Variants in SRBD1 observed in about 807,000 individuals in gnomAD.
SRBD1 encodes S1 RNA binding domain 1.
A neutral mutation model predicts 115.3 loss-of-function variants in SRBD1; 88 were observed. That is an observed-to-expected ratio of 0.76 (90% CI 0.64 to 0.91). The LOEUF (loss-of-function observed/expected upper bound fraction) is 0.91. SRBD1 is among the 40% of genes least tolerant of loss of function. The pLI is 0.00. For synonymous variants in SRBD1, 509 were observed against 407.7 expected (o/e 1.25, Z -2.99); for missense variants, 1,385 against 1,177.4 (o/e 1.18, Z -2.58).
chr2:45,539,050 A>T (rs1671850787), intron 14 of SRBD1, among the ~76,000 whole-genome samples: 1 of 152,164 alleles, frequency 6.6e-6, no homozygotes, highest in Non-Finnish European at 1.5e-5. Flanking sequence ...GATTGAAAAG[A>T]TCATTATCTA....
intron 16 of SRBD1, among the ~76,000 whole-genome samples, chr2:45,453,121 T>G (rs1669045019): frequency 6.6e-6 from 1 of 151,914 alleles, no homozygotes; most frequent in Admixed American, 6.6e-5. Flanking sequence ...TGACCTCTGA[T>G]GAGATGCTTG....
intron 15 of SRBD1, among the ~76,000 whole-genome samples, chr2:45,485,533 C>T (rs1670092116): frequency 6.6e-6 from 1 of 152,122 alleles, no homozygotes; most frequent in African/African-American, 2.4e-5. Context: ...TAATATCATC[C>T]ATCTACTATA....
intron 15 of SRBD1, among the ~76,000 whole-genome samples, chr2:45,486,340 G>C (rs1572692625): frequency 6.6e-6 from 1 of 152,100 alleles, no homozygotes; most frequent in African/African-American, 2.4e-5. Context: ...TTTTATAAAT[G>C]AAAGTACCCT....
intron 10 of SRBD1, among the ~76,000 whole-genome samples, chr2:45,557,659 C>T (rs1672525175): frequency 6.6e-6 from 1 of 152,176 alleles, no homozygotes; most frequent in South Asian, 2.1e-4. Context: ...AAAACAATTC[C>T]TGCCCTTCAC....
intron 1 of SRBD1, among the ~76,000 whole-genome samples, chr2:45,608,630 CT>C (rs1674347042): frequency 6.6e-6 from 1 of 150,904 alleles, no homozygotes. Flanking sequence ...CAAACCGTGC[CT>C]TTAACATTCA....
intron 15 of SRBD1, among the ~76,000 whole-genome samples, chr2:45,482,374 C>T (rs1362303153): frequency 2.0e-5 from 3 of 151,932 alleles, no homozygotes; most frequent in Non-Finnish European, 4.4e-5. Flanking sequence ...AATAAGGTTC[C>T]AATTAGTTGG....
intron 7 of SRBD1, among the ~76,000 whole-genome samples, chr2:45,575,592 T>C (rs2104159477): frequency 1.3e-5 from 2 of 152,358 alleles, no homozygotes; most frequent in East Asian, 3.9e-4. Flanking sequence ...AGATATTTGT[T>C]ATGGCATAAT....
At chr2:45,481,855 G>C (rs1322218165) in intron 15 of SRBD1, among the ~76,000 whole-genome samples, 1 of 152,120 alleles carries the variant, frequency 6.6e-6, no homozygotes, top group Admixed American at 6.6e-5. Flanking sequence ...AAAGAAGCCA[G>C]TCACAAAGAC....
intron 11 of SRBD1, among the ~76,000 whole-genome samples, chr2:45,552,127 G>A (rs1410426071): frequency 1.3e-5 from 2 of 152,180 alleles, no homozygotes; most frequent in Non-Finnish European, 2.9e-5. Context: ...GAATGATCAT[G>A]ACAGTCACGG....
At chr2:45,508,647 A>G (rs1670868803) in intron 14 of SRBD1, among the ~76,000 whole-genome samples, 1 of 152,320 alleles carries the variant, frequency 6.6e-6, no homozygotes, top group Admixed American at 6.5e-5. Context: ...TAAAAAAACA[A>G]AAACAAAAGT....
intron 7 of SRBD1, among the ~76,000 whole-genome samples, chr2:45,579,374 T>C (rs575535473): frequency 7.2e-5 from 11 of 152,300 alleles, no homozygotes; most frequent in African/African-American, 2.6e-4. Flanking sequence ...TTAAAGAGTA[T>C]TTATGACTTT....
At chr2:45,603,174 AT>A (rs904088693) in intron 2 of SRBD1, among the ~76,000 whole-genome samples, 1 of 152,196 alleles carries the variant, frequency 6.6e-6, no homozygotes, top group African/African-American at 2.4e-5. Context: ...GACTAACCCT[AT>A]TTCACAAAGG....
At chr2:45,560,644 A>G (rs937708348) in intron 10 of SRBD1, among the ~76,000 whole-genome samples, 2 of 152,218 alleles carry the variant, frequency 1.3e-5, no homozygotes, top group Non-Finnish European at 2.9e-5. Context: ...ACTCAAATAT[A>G]TCTACTTCTT....
chr2:45,533,864 C>A (rs1671685476), intron 14 of SRBD1, among the ~76,000 whole-genome samples: 1 of 151,976 alleles, frequency 6.6e-6, no homozygotes, highest in Non-Finnish European at 1.5e-5. Context: ...TTGGCAAGAA[C>A]TTAAAACTAA....
chr2:45,508,726 C>G (rs991368949), intron 14 of SRBD1, among the ~76,000 whole-genome samples: 9 of 152,052 alleles, frequency 5.9e-5, no homozygotes. Flanking sequence ...ATTCTTAGAA[C>G]TTTTTTTCTT....
At chr2:45,456,326 C>A (rs1669151935) in intron 16 of SRBD1, among the ~76,000 whole-genome samples, 1 of 151,860 alleles carries the variant, frequency 6.6e-6, no homozygotes, top group African/African-American at 2.4e-5. Context: ...TGAAAATAAG[C>A]TCTGTAAGAA....
At chr2:45,593,649 A>C (rs2104226650) in intron 4 of SRBD1, among the ~76,000 whole-genome samples, 1 of 152,366 alleles carries the variant, frequency 6.6e-6, no homozygotes, top group Admixed American at 6.5e-5. Flanking sequence ...AGAACATCTA[A>C]GTTAAATGAC....
intron 19 of SRBD1, among the ~76,000 whole-genome samples, chr2:45,408,988 C>T (rs774396026): frequency 3.3e-5 from 5 of 152,170 alleles, no homozygotes; most frequent in Non-Finnish European, 4.4e-5. Context: ...TTTGGGAGGC[C>T]GAGTAGGACT....
At chr2:45,534,404 G>A (rs986557785) in intron 14 of SRBD1, among the ~76,000 whole-genome samples, 4 of 151,810 alleles carry the variant, frequency 2.6e-5, no homozygotes, top group African/African-American at 9.7e-5. Flanking sequence ...TCACCGAAAT[G>A]GAGATGAATA....
Sources: allele counts gnomAD v4.1 joint callset (sites outside exome capture counted in the v4.1 genomes callset), GRCh38; gene constraint gnomAD v4.1.1; transcripts MANE v1.5; gene names NCBI Gene and HGNC (gene_info 2026-07-23, HGNC 2026-07-21).